The following FBXL7 variants were observed in gnomAD, a reference collection of about 807,000 sequenced individuals.
FBXL7 encodes F-box and leucine rich repeat protein 7, also known as F-box/LRR-repeat protein 7.
Under a neutral mutation model 38.3 loss-of-function variants are expected in FBXL7, and 12 were observed. The ratio of observed to expected loss-of-function variants is 0.31; its 90% confidence interval spans 0.20 to 0.51. The LOEUF is 0.51. FBXL7 is among the 20% of genes least tolerant of loss of function. The probability of loss-of-function intolerance (pLI) is 0.98; values close to 1 mark genes in which losing one functional copy is unlikely to be tolerated. For missense variants in FBXL7, 567 were observed against 676.4 expected (o/e 0.84, Z 1.79); for synonymous variants, 297 against 300.9 (o/e 0.99, Z 0.13).
At chr5:15,678,823 A>G (rs1173114478) in intron 2 of FBXL7, among the ~76,000 whole-genome samples, 2 of 152,202 alleles carry the variant, frequency 1.3e-5, no homozygotes, top group African/African-American at 4.8e-5. Context: ...CTCCTTGGCC[A>G]TGTGGAACTG....
intron 1 of FBXL7, among the ~76,000 whole-genome samples, chr5:15,536,813 A>C (rs2126400861): frequency 6.6e-6 from 1 of 151,922 alleles, no homozygotes; most frequent in Non-Finnish European, 1.5e-5. Context: ...GAAATATGAG[A>C]GGGATACGAG....
chr5:15,721,086 G>A (rs1056428152), intron 2 of FBXL7, among the ~76,000 whole-genome samples: 2 of 152,106 alleles, frequency 1.3e-5, no homozygotes, highest in African/African-American at 4.8e-5. Context: ...CTTAGGATAT[G>A]TACAAAAGTT....
intron 2 of FBXL7, among the ~76,000 whole-genome samples, chr5:15,904,621 A>G (rs1196411487): frequency 1.3e-5 from 2 of 152,172 alleles, no homozygotes; most frequent in Non-Finnish European, 1.5e-5. Flanking sequence ...ATTAATAACT[A>G]TGTATTTGAT....
intron 2 of FBXL7, among the ~76,000 whole-genome samples, chr5:15,659,498 A>C (rs1390881214): frequency 6.6e-6 from 1 of 152,204 alleles, no homozygotes; most frequent in African/African-American, 2.4e-5. Context: ...AAACGTGACT[A>C]TTCATTGATT....
intron 1 of FBXL7, among the ~76,000 whole-genome samples, chr5:15,505,325 T>C (rs1312229704): frequency 6.6e-6 from 1 of 152,152 alleles, no homozygotes; most frequent in South Asian, 2.1e-4. Context: ...ATGATCATTT[T>C]CCCAAGGTCA....
chr5:15,617,338 C>T (rs1740487315), intron 2 of FBXL7, among the ~76,000 whole-genome samples: 1 of 152,168 alleles, frequency 6.6e-6, no homozygotes, highest in Non-Finnish European at 1.5e-5. Flanking sequence ...TTTTAATTTT[C>T]TGCCTGTTAA....
At chr5:15,901,932 T>C (rs962513235) in intron 2 of FBXL7, among the ~76,000 whole-genome samples, 1 of 152,204 alleles carries the variant, frequency 6.6e-6, no homozygotes, top group African/African-American at 2.4e-5. Context: ...ACTGCATCCT[T>C]CAACATTTAA....
intron 2 of FBXL7, among the ~76,000 whole-genome samples, chr5:15,851,813 TACACACACACACAC>T (rs35896061): frequency 5.2e-5 from 7 of 133,612 alleles, no homozygotes; most frequent in Non-Finnish European, 9.8e-5. Context: ...TGCAAACTAA[TACACACACACACAC>T]ACACACACAC....
intron 1 of FBXL7, among the ~76,000 whole-genome samples, chr5:15,556,013 CT>C (rs1738224398): frequency 6.7e-6 from 1 of 150,324 alleles, no homozygotes; most frequent in Admixed American, 6.6e-5. Flanking sequence ...ATCTATCTAT[CT>C]ATCATCTATC....
At chr5:15,929,133 C>T (rs898653601) in intron 3 of FBXL7, among the ~76,000 whole-genome samples, 29 of 152,312 alleles carry the variant, frequency 1.9e-4, no homozygotes, top group Non-Finnish European at 3.2e-4. Flanking sequence ...ACGGGCCAGA[C>T]GGTGCCCACT....
intron 1 of FBXL7, among the ~76,000 whole-genome samples, chr5:15,559,904 T>C (rs1270293485): frequency 2.0e-5 from 3 of 152,176 alleles, no homozygotes; most frequent in African/African-American, 7.2e-5. Flanking sequence ...GAATGAACTA[T>C]CTCTACTTGT....
intron 1 of FBXL7, among the ~76,000 whole-genome samples, chr5:15,594,655 C>T (rs1193910544): frequency 6.6e-6 from 1 of 152,174 alleles, no homozygotes; most frequent in Non-Finnish European, 1.5e-5. Context: ...GGGGCCAGTC[C>T]AAAATAGAGA....
chr5:15,923,468 G>A (rs1007987502), intron 2 of FBXL7, among the ~76,000 whole-genome samples: 1 of 151,946 alleles, frequency 6.6e-6, no homozygotes, highest in African/African-American at 2.4e-5. Flanking sequence ...TGTATGACAA[G>A]CTATTCATAG....
At chr5:15,784,930 G>A (rs759379054) in intron 2 of FBXL7, among the ~76,000 whole-genome samples, 8 of 152,092 alleles carry the variant, frequency 5.3e-5, no homozygotes, top group African/African-American at 9.7e-5. Context: ...AAGATTCTAC[G>A]TGTGTGTATG....
intron 2 of FBXL7, among the ~76,000 whole-genome samples, chr5:15,924,997 G>T (rs1303148805): frequency 6.6e-6 from 1 of 152,140 alleles, no homozygotes; most frequent in African/African-American, 2.4e-5. Flanking sequence ...TGCACAAATG[G>T]CTTTCCTCTA....
At chr5:15,684,375 A>G (rs1342271032) in intron 2 of FBXL7, among the ~76,000 whole-genome samples, 1 of 152,200 alleles carries the variant, frequency 6.6e-6, no homozygotes, top group African/African-American at 2.4e-5. Flanking sequence ...GGACACATAG[A>G]TTTGGATGAT....
At chr5:15,876,032 G>T (rs1302318310) in intron 2 of FBXL7, among the ~76,000 whole-genome samples, 8 of 152,208 alleles carry the variant, frequency 5.3e-5, no homozygotes, top group African/African-American at 1.9e-4. Flanking sequence ...ACTGGATAAA[G>T]AAAATGTGGC....
At position 15,549,248 on chromosome 5, in the gene FBXL7, A is replaced by G. The variant is rs549421534; in HGVS notation, c.37+48535A>G. On this transcript the variant is annotated intron_variant, in intron 1 of 3. Transcript: ENST00000504595. ...CATAGAATAATTCCCATCACAAAGT[A>G]GGAGTTCAACAAATGTTGGTCATTC... Among the ~76,000 whole-genome samples the G allele has an allele frequency of 1.2e-3, 182 of 152,356 alleles. 1 individual carries two copies. The highest frequency in any genetic ancestry group is 3.8e-3 in the African/African-American group (158 of 41,580).
At chr5:15,583,257 A>G (rs1414549223) in intron 1 of FBXL7, among the ~76,000 whole-genome samples, 2 of 152,100 alleles carry the variant, frequency 1.3e-5, no homozygotes, top group Non-Finnish European at 2.9e-5. Context: ...CTCCCTCGAC[A>G]CCTGGGGATT....
Sources: gnomAD v4.1 joint callset for allele counts (sites outside exome capture counted in the v4.1 genomes callset) on GRCh38, gnomAD v4.1.1 for gene constraint, MANE v1.5 for transcripts, NCBI Gene and HGNC (gene_info 2026-07-23, HGNC 2026-07-21) for gene names.